The following SNAP25 variants were observed in gnomAD, a reference collection of about 807,000 sequenced individuals.
The protein encoded by SNAP25 is synaptosomal-associated protein 25.
A neutral mutation model predicts 28.7 loss-of-function variants in SNAP25; 3 were observed. The ratio of observed to expected loss-of-function variants is 0.10; its 90% confidence interval spans 0.05 to 0.27. SNAP25 has a LOEUF of 0.27. Among genes scored for constraint, SNAP25 ranks in the 10% least tolerant of loss-of-function variants. SNAP25 has a pLI of 1.00. For synonymous variants in SNAP25, 61 were observed against 88.1 expected (o/e 0.69, Z 1.72); for missense variants, 117 against 278.7 (o/e 0.42, Z 4.13).
chr20:10,224,257 C>CTTTTTTTTTTTTT lies in SNAP25; in HGVS notation c.-64+5303_-64+5315dup, dbSNP rs71332917. ...AATAAGGCATAGAGAATGTACATGTCTTTTTTTTTTTTTTTTTTTTTTTTT... is the reference window on the plus strand; with the variant it reads ...AATAAGGCATAGAGAATGTACATGTCTTTTTTTTTTTTTTTTTTTTTTTTTTTTTTTTTTTTTT... On this transcript the variant is annotated intron_variant, in intron 1 of 7. Coordinates refer to ENST00000254976, the MANE Select transcript of SNAP25 (RefSeq NM_130811.4). Among the ~76,000 whole-genome samples the CTTTTTTTTTTTTT allele has an allele frequency of 9.2e-4, 16 of 17,430 alleles. 3 individuals carry two copies. The highest frequency in any genetic ancestry group is 1.6e-3 in the Admixed American group (2 of 1,216). The allele number at this position is 17,430 out of a possible 152,430, so 11.4% of individuals were successfully genotyped here.
Position 10,306,170 on chromosome 20 carries a change from T to C in SNAP25, c.594T>C (p.Arg198=), listed in dbSNP as rs2123205294. Residue 198 remains arginine (R), a synonymous_variant, in exon 8 of 8, where the codon CGT becomes CGC. Coordinates refer to ENST00000254976, the MANE Select transcript of SNAP25 (RefSeq NM_130811.4). Reference sequence around the variant, plus strand: ...CCAGAATTGATGAGGCCAACCAACGTGCAACAAAGATGCTGGGAAGTGGTT... The same window carrying C: ...CCAGAATTGATGAGGCCAACCAACGCGCAACAAAGATGCTGGGAAGTGGTT... ...NKTRIDEANQ[R]ATKMLGSG 1 of 1,613,654 alleles carries C rather than the reference T, an allele frequency of 6.2e-7. No individual in the cohort carries two copies. Among genetic ancestry groups the C allele is most frequent in the East Asian group, 2.2e-5 (1 of 44,868 alleles).
intron 6 of SNAP25, among the ~76,000 whole-genome samples, chr20:10,297,657 C>T (rs1383006278): frequency 4.6e-5 from 7 of 152,160 alleles, no homozygotes; most frequent in Admixed American, 4.6e-4. Context: ...GGGCAAGGAA[C>T]TATCAGTAGA....
intron 1 of SNAP25, among the ~76,000 whole-genome samples, chr20:10,248,085 C>T (rs565709073): frequency 6.6e-6 from 1 of 152,198 alleles, no homozygotes; most frequent in Non-Finnish European, 1.5e-5. Context: ...ATGGAGAACA[C>T]TCCAATCTAA....
intron 1 of SNAP25, among the ~76,000 whole-genome samples, chr20:10,235,351 G>GT (rs561848526): frequency 1.1e-3 from 165 of 152,312 alleles, no homozygotes; most frequent in Non-Finnish European, 1.7e-3. Context: ...TATAATATGT[G>GT]TTTTTTAATT....
chr20:10,297,131 A>C, intron 6 of SNAP25, 81 bp downstream of exon 6: 2 of 1,439,634 alleles, frequency 1.4e-6, no homozygotes, highest in East Asian at 2.5e-5. Context: ...TTTTCTAAAA[A>C]ACAACCATTT....
At chr20:10,288,178 T>A (rs931954014) in intron 4 of SNAP25, among the ~76,000 whole-genome samples, 25 of 151,788 alleles carry the variant, frequency 1.6e-4, no homozygotes, top group Non-Finnish European at 3.4e-4. Flanking sequence ...AATAAAAAAA[T>A]TTAAAAAATA....
At chr20:10,299,510 T>A in intron 7 of SNAP25, 98 bp downstream of exon 7, 2 of 1,260,046 alleles carry the variant, frequency 1.6e-6, no homozygotes, top group Non-Finnish European at 2.1e-6. Context: ...AAACACGACC[T>A]TGGATTCAGG....
chr20:10,267,645 C>G (rs962039301), intron 1 of SNAP25, among the ~76,000 whole-genome samples: 1 of 152,254 alleles, frequency 6.6e-6, no homozygotes, highest in African/African-American at 2.4e-5. Context: ...CTCCGCCTCC[C>G]AGGTACGAGG....
intron 3 of SNAP25, among the ~76,000 whole-genome samples, chr20:10,284,248 C>T (rs148247263): frequency 3.8e-4 from 58 of 152,240 alleles, no homozygotes; most frequent in Non-Finnish European, 7.2e-4. Context: ...CAACCCCCAC[C>T]ACCAAGATTC....
In SNAP25 at chr20:10,273,794, G is replaced by A. The variant is rs550978395; in HGVS notation, c.-63-1635G>A. ...TTAAAGTGCACAGTTGACCATCTCC[G>A]CTACAAGACAAGAGCCCATGCCTTC... On this transcript the variant is annotated intron_variant, in intron 1 of 7. Transcript: ENST00000254976. Among the ~76,000 whole-genome samples the A allele has an allele frequency of 3.3e-5, 5 of 152,244 alleles. No individual in the cohort carries two copies. The East Asian group carries it at 7.7e-4, about 24-fold the overall frequency.
chr20:10,299,191 T>G (rs1293934162), intron 6 of SNAP25, 77 bp from the exon 7 acceptor site: 1 of 1,512,278 alleles, frequency 6.6e-7, no homozygotes, highest in Non-Finnish European at 9.0e-7. Flanking sequence ...ACGACAGATT[T>G]CCACTATGCT....
intron 1 of SNAP25, among the ~76,000 whole-genome samples, chr20:10,241,252 C>G (rs558219632): frequency 3.9e-5 from 6 of 152,216 alleles, no homozygotes; most frequent in South Asian, 4.1e-4. Flanking sequence ...CACAGGCAAC[C>G]TAGCAGTGTC....
chr20:10,270,078 A>G (rs1006293955), intron 1 of SNAP25, among the ~76,000 whole-genome samples: 2 of 151,466 alleles, frequency 1.3e-5, no homozygotes, highest in Non-Finnish European at 2.9e-5. Flanking sequence ...ACATGGAGAA[A>G]CCCCGTCTCT....
At chr20:10,232,022 A>G (rs971552590) in intron 1 of SNAP25, among the ~76,000 whole-genome samples, 3 of 152,226 alleles carry the variant, frequency 2.0e-5, no homozygotes, top group African/African-American at 7.2e-5. Context: ...TGAGCAGTCA[A>G]GCCATAGGAA....
chr20:10,288,676 A>G (rs998501587), intron 4 of SNAP25, among the ~76,000 whole-genome samples: 1 of 152,170 alleles, frequency 6.6e-6, no homozygotes, highest in Non-Finnish European at 1.5e-5. Flanking sequence ...TCAGTTAAAC[A>G]AGGATAGACT....
At chr20:10,271,565 C>T (rs562803005) in intron 1 of SNAP25, among the ~76,000 whole-genome samples, 121 of 152,356 alleles carry the variant, frequency 7.9e-4, no homozygotes, top group African/African-American at 2.8e-3. Context: ...TGCCACATGG[C>T]TTCTCCGCCA....
intron 7 of SNAP25, among the ~76,000 whole-genome samples, chr20:10,302,159 C>T (rs1380147311): frequency 6.6e-6 from 1 of 151,996 alleles, no homozygotes; most frequent in African/African-American, 2.4e-5. Flanking sequence ...CCAGGAGTTC[C>T]AGGCTGCAGT....
At chr20:10,305,949 C>T (rs570581012) in intron 7 of SNAP25, among the ~76,000 whole-genome samples, 180 bp from the exon 8 acceptor site, 22 of 151,790 alleles carry the variant, frequency 1.4e-4, no homozygotes, top group Admixed American at 2.0e-4. Flanking sequence ...TAAGCTTCTA[C>T]GGTCACATTC....
rs2064043713 is a variant in SNAP25, at chr20:10,293,561, G to T, written c.281+283G>T. On this transcript the variant is annotated intron_variant, in intron 5 of 7. Transcript: ENST00000254976. This position sits in a 1 kb window ranked among gnomAD's most constrained non-coding sequence, Gnocchi z 5.6. ...AAAGTGTACCTTGAGACAGAGGCTAGCCTCAAGAAAGAGGCACCCAGGGAA... is the reference window on the plus strand; with the variant it reads ...AAAGTGTACCTTGAGACAGAGGCTATCCTCAAGAAAGAGGCACCCAGGGAA... Among the ~76,000 whole-genome samples, 1 of 152,192 alleles carries T rather than the reference G, an allele frequency of 6.6e-6. No homozygotes were observed. The highest frequency in any genetic ancestry group is 6.5e-5 in the Admixed American group (1 of 15,284).
Sources: allele counts gnomAD v4.1 joint callset (sites outside exome capture counted in the v4.1 genomes callset), GRCh38; gene constraint gnomAD v4.1.1; non-coding constraint Gnocchi (gnomAD v3.1); transcripts MANE v1.5; gene names NCBI Gene and HGNC (gene_info 2026-07-23, HGNC 2026-07-21).